The following ANKS1B variants were observed in gnomAD, a reference collection of about 807,000 sequenced individuals.
ANKS1B encodes ankyrin repeat and sterile alpha motif domain-containing protein 1B.
Under a neutral mutation model 148.3 loss-of-function variants are expected in ANKS1B, and 36 were observed. The ratio of observed to expected loss-of-function variants is 0.24; its 90% CI spans 0.19 to 0.32. The LOEUF (loss-of-function observed/expected upper bound fraction) is 0.32. ANKS1B is among the 10% of genes least tolerant of loss of function. The probability of loss-of-function intolerance (pLI) is 1.00; values close to 1 mark genes in which losing one functional copy is unlikely to be tolerated. For missense variants in ANKS1B, 1,157 were observed against 1,542.6 expected, an observed-to-expected ratio of 0.75 and a Z score of 4.19; for synonymous variants, 542 against 560.8, an observed-to-expected ratio of 0.97 and a Z score of 0.47.
intron 5 of ANKS1B, 106 bp from the exon 6 acceptor site, chr12:99,780,078 TG>T: frequency 1.3e-6 from 1 of 799,588 alleles, no homozygotes; most frequent in South Asian, 1.5e-5. Context: ...GACCAAGCAT[TG>T]AAAGTGATTT....
intron 12 of ANKS1B, among the ~76,000 whole-genome samples, chr12:99,346,000 T>C (rs1183620887): frequency 3.9e-5 from 6 of 152,076 alleles, no homozygotes; most frequent in Admixed American, 3.9e-4. Context: ...ATTGGGCTAC[T>C]GGCATTATTT....
At chr12:99,112,165 C>T (rs1170232198) in intron 15 of ANKS1B, among the ~76,000 whole-genome samples, 2 of 152,046 alleles carry the variant, frequency 1.3e-5, no homozygotes, top group South Asian at 4.2e-4. Context: ...AAAAGCAACT[C>T]CACAGTGAAG....
chr12:98,995,870 T>C (rs1462579548), intron 17 of ANKS1B, among the ~76,000 whole-genome samples: 3 of 151,894 alleles, frequency 2.0e-5, no homozygotes, highest in Non-Finnish European at 2.9e-5. Context: ...GCAATCAGAG[T>C]ACAGGGAAGA....
intron 14 of ANKS1B, among the ~76,000 whole-genome samples, chr12:99,191,686 C>T (rs2080724820): frequency 6.6e-6 from 1 of 151,990 alleles, no homozygotes; most frequent in Admixed American, 6.6e-5. Context: ...ACACACTGGG[C>T]CTGTCAGGGA....
chr12:99,906,251 T>A (rs7138269), intron 1 of ANKS1B, among the ~76,000 whole-genome samples: 1 of 152,058 alleles, frequency 6.6e-6, no homozygotes, highest in Non-Finnish European at 1.5e-5. Flanking sequence ...GGACTGGCAA[T>A]GAAGAGGAAA....
intron 17 of ANKS1B, among the ~76,000 whole-genome samples, chr12:99,002,789 GT>G (rs1240465502): frequency 1.3e-5 from 2 of 152,008 alleles, no homozygotes; most frequent in Non-Finnish European, 2.9e-5. Context: ...TTCTATGGTA[GT>G]TTTTTTCATT....
At chr12:98,772,780 C>T (rs2098605033) in intron 25 of ANKS1B, among the ~76,000 whole-genome samples, 1 of 152,162 alleles carries the variant, frequency 6.6e-6, no homozygotes, top group African/African-American at 2.4e-5. Context: ...GGGAGAGAGG[C>T]CTCAGAAGAA....
intron 2 of ANKS1B, among the ~76,000 whole-genome samples, chr12:99,820,580 G>A (rs1301126822): frequency 6.6e-6 from 1 of 151,938 alleles, no homozygotes; most frequent in Admixed American, 6.6e-5. Context: ...GCTTGCTTGG[G>A]AAGAATACAA....
rs182209730 is a variant in ANKS1B, at chr12:99,876,601, G to A, written c.135-51212C>T. Among the ~76,000 whole-genome samples, 10 of 151,910 alleles carry A rather than the reference G, an allele frequency of 6.6e-5. No individual in the cohort carries two copies. In the East Asian group the frequency reaches 9.7e-4, roughly 15 times the overall value. On this transcript the variant is annotated intron_variant, in intron 1 of 26. Coordinates refer to ENST00000683438, the MANE Select transcript of ANKS1B (RefSeq NM_001352186.2). The stretch of plus-strand genomic sequence containing the variant: ...AAAAAAATTAGCCGGGAGTGGTGGC[G>A]TGCCTGTAGTCCCAGCTACTCGGGA...
At chr12:99,784,164 C>CTTTCTTTTT (rs2064712303) in intron 4 of ANKS1B, among the ~76,000 whole-genome samples, 1 of 143,046 alleles carries the variant, frequency 7.0e-6, no homozygotes, top group Non-Finnish European at 1.5e-5. Flanking sequence ...GCATACTGAA[C>CTTTCTTTTT]TTTCTTTTTT....
At chr12:99,060,884 T>G (rs1336527059) in intron 16 of ANKS1B, among the ~76,000 whole-genome samples, 1 of 152,104 alleles carries the variant, frequency 6.6e-6, no homozygotes, top group Admixed American at 6.5e-5. Flanking sequence ...GTGATATACA[T>G]TATAATAGCT....
intron 24 of ANKS1B, among the ~76,000 whole-genome samples, chr12:98,777,168 G>C (rs2048259302): frequency 6.6e-6 from 1 of 152,206 alleles, no homozygotes; most frequent in Admixed American, 6.5e-5. Flanking sequence ...ACTCCAGCCT[G>C]GGCAACAGAG....
At chr12:99,102,901 C>G (rs527330721) in intron 15 of ANKS1B, among the ~76,000 whole-genome samples, 1 of 152,092 alleles carries the variant, frequency 6.6e-6, no homozygotes, top group East Asian at 1.9e-4. Context: ...TGCACCCCAA[C>G]CTAGGCGACC....
intron 12 of ANKS1B, among the ~76,000 whole-genome samples, chr12:99,297,697 T>C (rs1009462651): frequency 1.3e-5 from 2 of 152,124 alleles, no homozygotes; most frequent in African/African-American, 4.8e-5. Flanking sequence ...CTTCATTCAA[T>C]ACCTAGGCTT....
intron 17 of ANKS1B, among the ~76,000 whole-genome samples, chr12:98,869,274 C>G (rs191169358): frequency 6.6e-6 from 1 of 152,258 alleles, no homozygotes; most frequent in Non-Finnish European, 1.5e-5. Flanking sequence ...AGTGAATAGA[C>G]CCAAGGCCTG....
At position 99,445,698 on chromosome 12, in the gene ANKS1B, C is replaced by T. The variant is rs560870872; in HGVS notation, c.1439-1889G>A. On this transcript the variant is annotated intron_variant, in intron 10 of 26. Transcript: ENST00000683438. ...AATTTTTTTTCAAAAGAATCCCTGC[C>T]CTCGAGAAGTATACTGTTGGGTTTT... Among the ~76,000 whole-genome samples, 3 of 151,722 alleles carry T rather than the reference C, an allele frequency of 2.0e-5. No homozygotes were observed. The South Asian group carries it at 6.2e-4, about 32-fold the overall frequency.
At chr12:99,715,883 G>C (rs2057255052) in intron 8 of ANKS1B, among the ~76,000 whole-genome samples, 2 of 152,082 alleles carry the variant, frequency 1.3e-5, no homozygotes, top group African/African-American at 4.8e-5. Context: ...TAGAAACAAA[G>C]AAGACACATT....
intron 15 of ANKS1B, among the ~76,000 whole-genome samples, chr12:99,100,665 G>A (rs1328684488): frequency 2.0e-5 from 3 of 152,166 alleles, no homozygotes; most frequent in African/African-American, 7.2e-5. Context: ...GAATAGCTGG[G>A]ATTACAGGCA....
In ANKS1B at chr12:99,246,348, T is replaced by G; in HGVS notation, c.2273A>C (p.Glu758Ala). 2 of 1,613,578 alleles carry G rather than the reference T, an allele frequency of 1.2e-6. No individual in the cohort carries two copies. Among genetic ancestry groups the G allele is most frequent in the Non-Finnish European group, 8.5e-7 (1 of 1,179,710 alleles). The change falls in exon 13 of 27, where the codon GAA becomes GCA. Residue 758 changes from glutamate (E) to alanine (A), a missense_variant. By Grantham distance (107) the Glu-to-Ala change is moderately radical (BLOSUM62 -1). Coordinates refer to ENST00000683438, the MANE Select transcript of ANKS1B (RefSeq NM_001352186.2). The stretch of plus-strand genomic sequence containing the variant: ...AGAACTGTGTTCAGCAGTGGAAGAT[T>G]CACTCCAGTTAACTCTTGATGTTTT... ...NEKTSRVNWS[E>A]SSTAEHSSKG...
Sources: allele counts gnomAD v4.1 joint callset (sites outside exome capture counted in the v4.1 genomes callset), GRCh38; gene constraint gnomAD v4.1.1; transcripts MANE v1.5; gene names NCBI Gene and HGNC (gene_info 2026-07-23, HGNC 2026-07-21).